Variants in SYCE3 observed in about 807,000 individuals in gnomAD.
SYCE3 encodes the protein synaptonemal complex central element protein 3.
A neutral mutation model predicts 8.1 loss-of-function variants in SYCE3; 3 were observed. The observed-to-expected ratio is 0.37, with a 90% CI of 0.17 to 0.96. The LOEUF (loss-of-function observed/expected upper bound fraction) is 0.96. Among genes scored for constraint, SYCE3 ranks in the 40% least tolerant of loss-of-function variants. The pLI, the probability that SYCE3 is intolerant of heterozygous loss-of-function variation, is 0.41. For synonymous variants in SYCE3, 36 were observed against 38.7 expected (o/e 0.93, Z 0.26); for missense variants, 83 against 110.0 (o/e 0.75, Z 1.10).
At chr22:50,562,653 G>GGGTGAGGGGCGAGGCGGGTGGGGGGTGA (rs1236216007) in intron 1 of SYCE3, among the ~76,000 whole-genome samples, 1 of 117,728 alleles carries the variant, frequency 8.5e-6, no homozygotes, top group Non-Finnish European at 1.8e-5. Context: ...GAGCGATGAG[G>GGGTGAGGGGCGAGGCGGGTGGGGGGTGA]GGTGAAGGGT....
intron 2 of SYCE3, among the ~76,000 whole-genome samples, chr22:50,551,957 C>T (rs976651318): frequency 1.3e-5 from 2 of 152,306 alleles, no homozygotes; most frequent in South Asian, 4.1e-4. Context: ...TACCAATGCA[C>T]TGATGGGCTC....
Position 50,553,909 on chromosome 22 carries a change from T to C in SYCE3, c.109+2388A>G, listed in dbSNP as rs2069833835. 2.6e-5 allele frequency among the ~76,000 whole-genome samples: 4 copies of C among 151,698 alleles called. No individual in the cohort carries two copies. The South Asian group carries it at 8.5e-4, about 32-fold the overall frequency. On this transcript the variant is annotated intron_variant, in intron 2 of 2. Coordinates refer to ENST00000406915, the MANE Select transcript of SYCE3 (RefSeq NM_001123225.3). ...AGCAGATTTATATAAAAATGCAATA[T>C]GCGGCTGGGTGCGGTGGCTCATTCC...
At chr22:50,559,482 A>C (rs1338498199) in intron 1 of SYCE3, among the ~76,000 whole-genome samples, 2 of 152,168 alleles carry the variant, frequency 1.3e-5, no homozygotes, top group Non-Finnish European at 2.9e-5. Context: ...AATCTGACAA[A>C]GGTGATGTGA....
In SYCE3 at chr22:50,552,376, G is replaced by T. The variant is rs145982950; in HGVS notation, c.110-974C>A. 5.9e-5 allele frequency among the ~76,000 whole-genome samples: 9 copies of T among 152,302 alleles called. No individual in the cohort carries two copies. In the East Asian group the frequency reaches 1.7e-3, roughly 29 times the overall value. ...GTCTGCAATGTATCAATCTCGGCCG[G>T]GTGCGGTGGCTCACGCCTGTAATCC... On this transcript the variant is annotated intron_variant, in intron 2 of 2. Transcript: ENST00000406915.
intron 2 of SYCE3, 111 bp downstream of exon 2, chr22:50,556,186 T>G: frequency 1.4e-6 from 1 of 709,276 alleles, no homozygotes; most frequent in South Asian, 1.8e-5. Context: ...TGAACATATG[T>G]CCTGAGGACC....
Position 50,562,851 on chromosome 22 carries a change from C to G in SYCE3, c.-1+7G>C, listed in dbSNP as rs1024894995. 4 of 152,270 alleles carry G rather than the reference C, an allele frequency of 2.6e-5. No individual in the cohort carries two copies. The highest frequency in any genetic ancestry group is 9.7e-5 in the African/African-American group (4 of 41,436). The allele number at this position is 152,270 out of a possible 1,614,324, so 9.4% of individuals were successfully genotyped here. A position where few individuals can be genotyped will look rare whatever the true frequency, so the allele number is the denominator to read the frequency against. ...GCCGGGGCCCAGGGGGGCGCGGCCTCGCTCACCTCCAGCTTGGCCCGCGCT... is the reference window on the plus strand; with the variant it reads ...GCCGGGGCCCAGGGGGGCGCGGCCTGGCTCACCTCCAGCTTGGCCCGCGCT... On this transcript the variant is annotated splice_region_variant and intron_variant, in intron 1 of 2. Coordinates refer to ENST00000406915, the MANE Select transcript of SYCE3 (RefSeq NM_001123225.3).
At chr22:50,561,819 G>T (rs1352427321) in intron 1 of SYCE3, among the ~76,000 whole-genome samples, 2 of 151,024 alleles carry the variant, frequency 1.3e-5, no homozygotes, top group Non-Finnish European at 2.9e-5. Flanking sequence ...AAGTCTTGGA[G>T]TTGGGCTATG....
chr22:50,560,658 C>G (rs989400051), intron 1 of SYCE3, among the ~76,000 whole-genome samples: 2 of 152,068 alleles, frequency 1.3e-5, no homozygotes, highest in African/African-American at 2.4e-5. Flanking sequence ...GAAGGTGATA[C>G]AGAGTCAAGG....
chr22:50,555,560 T>C (rs2069852091), intron 2 of SYCE3, among the ~76,000 whole-genome samples: 1 of 152,160 alleles, frequency 6.6e-6, no homozygotes, highest in South Asian at 2.1e-4. Context: ...AGAAAGCTTT[T>C]TACAATCTAT....
At chr22:50,562,528 A>G (rs1440255374) in intron 1 of SYCE3, among the ~76,000 whole-genome samples, 1 of 5,652 alleles carries the variant, frequency 1.8e-4, no homozygotes, top group Non-Finnish European at 3.1e-4. Flanking sequence ...GTGAGGCGGG[A>G]TGAGGGGTGA....
chr22:50,551,956 A>C (rs2069813879), intron 2 of SYCE3, among the ~76,000 whole-genome samples: 1 of 152,088 alleles, frequency 6.6e-6, no homozygotes. Context: ...CTACCAATGC[A>C]CTGATGGGCT....
intron 1 of SYCE3, among the ~76,000 whole-genome samples, chr22:50,562,634 C>A (rs1272055279): frequency 6.9e-5 from 4 of 57,926 alleles, no homozygotes. Context: ...GGCGGGTGAG[C>A]GGTGACGTGA....
chr22:50,551,277 C>G lies in SYCE3; in HGVS notation c.235G>C (p.Glu79Gln). 6.4e-7 allele frequency: 1 copy of G among 1,551,412 alleles called. No homozygotes were observed. The highest frequency in any genetic ancestry group is 8.7e-7 in the Non-Finnish European group (1 of 1,146,968). The change falls in exon 3 of 3, where the codon GAG becomes CAG. Residue 79 changes from glutamate (E) to glutamine (Q), a missense_variant. Coordinates refer to ENST00000406915, the MANE Select transcript of SYCE3 (RefSeq NM_001123225.3). ...CKEEMEKNWQ[E>Q]LLHETKQRL ...CTTTGCTTGGTCTCATGCAGCAGCT[C>G]TTGCCAGTTCTTCTCCATCTCCTCC...
intron 1 of SYCE3, among the ~76,000 whole-genome samples, chr22:50,558,189 C>T (rs974131842): frequency 2.6e-5 from 4 of 152,102 alleles, no homozygotes; most frequent in African/African-American, 7.2e-5. Flanking sequence ...TTTGGGAGGC[C>T]GAGGTGGGTG....
intron 2 of SYCE3, among the ~76,000 whole-genome samples, chr22:50,554,693 C>CAAAAAAAAAAAAAAAAAAAAA (rs35905749): frequency 2.5e-5 from 2 of 78,522 alleles, no homozygotes; most frequent in African/African-American, 1.2e-4. Context: ...GACTCCGTCT[C>CAAAAAAAAAAAAAAAAAAAAA]AAAAAAAAAA....
chr22:50,552,775 C>T lies in SYCE3; in HGVS notation c.110-1373G>A, dbSNP rs142080265. Among the ~76,000 whole-genome samples, 414 of 152,170 alleles carry T rather than the reference C, an allele frequency of 2.7e-3. 5 individuals carry two copies. The highest frequency in any genetic ancestry group is 9.5e-3 in the African/African-American group (395 of 41,504). On this transcript the variant is annotated intron_variant, in intron 2 of 2. Transcript: ENST00000406915. ...CCCCGACGTGATGGTATTAGGAGGT[C>T]GGGTCTTTTGGAGATGATTAGGTCC...
intron 2 of SYCE3, among the ~76,000 whole-genome samples, chr22:50,553,919 T>C (rs112257051): frequency 0.084 from 12,721 of 151,828 alleles, 1,191 homozygotes; most frequent in African/African-American, 0.23. Flanking sequence ...TGCGGCTGGG[T>C]GCGGTGGCTC....
intron 1 of SYCE3, among the ~76,000 whole-genome samples, chr22:50,558,600 G>T (rs1258550676): frequency 6.6e-6 from 1 of 152,164 alleles, no homozygotes; most frequent in Non-Finnish European, 1.5e-5. Flanking sequence ...TGTAAAGGAG[G>T]TACTTCTGTG....
chr22:50,561,365 T>C (rs1367777954), intron 1 of SYCE3, among the ~76,000 whole-genome samples: 1 of 151,704 alleles, frequency 6.6e-6, no homozygotes, highest in Non-Finnish European at 1.5e-5. Flanking sequence ...GTGTGAGAGC[T>C]GATGTGGAGG....
Sources: allele counts gnomAD v4.1 joint callset (sites outside exome capture counted in the v4.1 genomes callset), GRCh38; gene constraint gnomAD v4.1.1; transcripts MANE v1.5; gene names NCBI Gene and HGNC (gene_info 2026-07-23, HGNC 2026-07-21).